Variants in RALYL observed in about 807,000 individuals in gnomAD.
The protein encoded by RALYL is RNA-binding Raly-like protein.
A neutral mutation model predicts 35.1 loss-of-function variants in RALYL; 29 were observed. The ratio of observed to expected loss-of-function variants is 0.83; its 90% CI spans 0.61 to 1.13. The LOEUF (loss-of-function observed/expected upper bound fraction) is 1.13. RALYL is among the 50% of genes most tolerant of loss of function. The probability of loss-of-function intolerance (pLI) is 0.00; values close to 1 mark genes in which losing one functional copy is unlikely to be tolerated. For synonymous variants in RALYL, 120 were observed against 127.6 expected (o/e 0.94, Z 0.40); for missense variants, 359 against 360.4 (o/e 1.00, Z 0.03).
At chr8:84,396,043 A>T (rs1014212869) in intron 1 of RALYL, among the ~76,000 whole-genome samples, 4 of 151,962 alleles carry the variant, frequency 2.6e-5, no homozygotes, top group Admixed American at 6.6e-5. Context: ...TGCTTTGACT[A>T]TATGGACTAA....
intron 1 of RALYL, among the ~76,000 whole-genome samples, chr8:84,203,934 T>C (rs1297424715): frequency 6.6e-6 from 1 of 152,074 alleles, no homozygotes; most frequent in East Asian, 1.9e-4. Flanking sequence ...TACTCTCTTA[T>C]AGTGCTTATA....
chr8:84,286,116 G>A (rs1837546582), intron 1 of RALYL, among the ~76,000 whole-genome samples: 1 of 152,106 alleles, frequency 6.6e-6, no homozygotes, highest in Non-Finnish European at 1.5e-5. Flanking sequence ...TATGGTATGA[G>A]AGAAAGAGTG....
intron 1 of RALYL, among the ~76,000 whole-genome samples, chr8:84,213,757 C>T (rs1312075633): frequency 1.3e-5 from 2 of 152,070 alleles, no homozygotes; most frequent in Admixed American, 6.6e-5. Context: ...ATTACAATGA[C>T]ATATTTATAT....
intron 2 of RALYL, among the ~76,000 whole-genome samples, chr8:84,661,605 C>T (rs1420429675): frequency 2.3e-4 from 33 of 145,396 alleles, no homozygotes; most frequent in African/African-American, 6.6e-4. Context: ...TTTTTTTTTT[C>T]GTGCTACATT....
rs374200220 is a variant in RALYL, at chr8:84,462,340, C to T, written c.-23-66959C>T. Among the ~76,000 whole-genome samples the T allele has an allele frequency of 2.0e-5, 3 of 151,398 alleles. No homozygotes were observed. The East Asian group carries it at 5.9e-4, about 30-fold the overall frequency. ...TTCTCAATATGTTTTGGACACCAGTCTCTTTTCGGATATGTCTTTTGCAAA... is the reference window on the plus strand; with the variant it reads ...TTCTCAATATGTTTTGGACACCAGTTTCTTTTCGGATATGTCTTTTGCAAA... On this transcript the variant is annotated intron_variant, in intron 1 of 8. Coordinates refer to ENST00000521268, the MANE Select transcript of RALYL (RefSeq NM_173848.7).
At chr8:84,736,036 T>C (rs1847249749) in intron 2 of RALYL, among the ~76,000 whole-genome samples, 1 of 152,014 alleles carries the variant, frequency 6.6e-6, no homozygotes, top group Non-Finnish European at 1.5e-5. Context: ...TCCAACACAG[T>C]CTCTAGTCAT....
chr8:84,488,034 GC>G (rs751213428), intron 1 of RALYL, among the ~76,000 whole-genome samples: 1 of 152,004 alleles, frequency 6.6e-6, no homozygotes, highest in Non-Finnish European at 1.5e-5. Flanking sequence ...AACCAAAATA[GC>G]TTTTATTGAG....
intron 8 of RALYL, among the ~76,000 whole-genome samples, chr8:84,893,887 T>A (rs1294160031): frequency 6.6e-6 from 1 of 152,222 alleles, no homozygotes; most frequent in Admixed American, 6.5e-5. Context: ...CTAGCAAGAA[T>A]CCACAGTAGA....
chr8:84,694,138 G>A (rs1838657653), intron 2 of RALYL, among the ~76,000 whole-genome samples: 1 of 151,746 alleles, frequency 6.6e-6, no homozygotes, highest in African/African-American at 2.4e-5. Context: ...AGAAATAAAA[G>A]GCATCCAAAT....
intron 8 of RALYL, among the ~76,000 whole-genome samples, chr8:84,893,940 G>A (rs970890589): frequency 3.3e-5 from 5 of 152,176 alleles, no homozygotes; most frequent in African/African-American, 9.6e-5. Flanking sequence ...TGAAAGCTGA[G>A]TACTACGTTG....
intron 1 of RALYL, among the ~76,000 whole-genome samples, chr8:84,295,385 AAG>A (rs1839568280): frequency 6.6e-6 from 1 of 152,194 alleles, no homozygotes; most frequent in Admixed American, 6.5e-5. Flanking sequence ...CTCCTGCAAA[AAG>A]AGTCATGCTA....
At chr8:84,673,085 G>A (rs1833571153) in intron 2 of RALYL, among the ~76,000 whole-genome samples, 1 of 152,098 alleles carries the variant, frequency 6.6e-6, no homozygotes, top group African/African-American at 2.4e-5. Context: ...GTGTTAGATG[G>A]TATCTCATTG....
At chr8:84,909,572 G>A (rs1056762935) in intron 8 of RALYL, among the ~76,000 whole-genome samples, 2 of 152,090 alleles carry the variant, frequency 1.3e-5, no homozygotes, top group Non-Finnish European at 2.9e-5. Flanking sequence ...AAATAGGAGA[G>A]AGTGTATGAC....
intron 1 of RALYL, among the ~76,000 whole-genome samples, chr8:84,326,590 CATT>C (rs1370869743): frequency 6.6e-6 from 1 of 152,090 alleles, no homozygotes; most frequent in Non-Finnish European, 1.5e-5. Flanking sequence ...TTTTAAATAA[CATT>C]ATACCAGCCC....
intron 8 of RALYL, among the ~76,000 whole-genome samples, chr8:84,897,518 T>G (rs192965628): frequency 2.6e-5 from 4 of 152,200 alleles, no homozygotes; most frequent in African/African-American, 9.6e-5. Flanking sequence ...TCCATTCTTA[T>G]GGCTTTCTTT....
intron 8 of RALYL, among the ~76,000 whole-genome samples, chr8:84,918,801 T>C (rs973138582): frequency 7.9e-5 from 12 of 152,104 alleles, no homozygotes; most frequent in African/African-American, 2.4e-4. Context: ...TACTTCACAA[T>C]GCAAAGTTAA....
chr8:84,345,613 C>G (rs1245711856), intron 1 of RALYL, among the ~76,000 whole-genome samples: 2 of 152,038 alleles, frequency 1.3e-5, no homozygotes, highest in East Asian at 3.9e-4. Context: ...ACTAAAGCAG[C>G]CTTTGGGAAG....
intron 1 of RALYL, among the ~76,000 whole-genome samples, chr8:84,376,887 G>C (rs1332537430): frequency 6.6e-6 from 1 of 151,786 alleles, no homozygotes; most frequent in African/African-American, 2.4e-5. Context: ...GCCAAGTTTA[G>C]TCAATTTACC....
chr8:84,401,675 A>C (rs1186015827), intron 1 of RALYL, among the ~76,000 whole-genome samples: 1 of 145,960 alleles, frequency 6.9e-6, no homozygotes, highest in Non-Finnish European at 1.5e-5. Flanking sequence ...AAAAGACCTT[A>C]CTATTAGCAT....
Sources: gnomAD v4.1 joint callset for allele counts (sites outside exome capture counted in the v4.1 genomes callset) on GRCh38, gnomAD v4.1.1 for gene constraint, MANE v1.5 for transcripts, NCBI Gene and HGNC (gene_info 2026-07-23, HGNC 2026-07-21) for gene names.